FOXK2: variants seen among roughly 807,000 people sequenced by gnomAD.
FOXK2 encodes the protein forkhead box K2.
Under a neutral mutation model 53.3 loss-of-function variants are expected in FOXK2, and 24 were observed. That is an observed-to-expected ratio of 0.45 (90% CI 0.33 to 0.63). The LOEUF (loss-of-function observed/expected upper bound fraction) is 0.63, where lower values mean the gene tolerates loss of function less well. FOXK2 is among the 30% of genes least tolerant of loss of function. FOXK2 has a pLI of 0.03. For synonymous variants in FOXK2, 505 were observed against 407.1 expected, an observed-to-expected ratio of 1.24 and a Z score of -2.89; for missense variants, 952 against 910.5, an observed-to-expected ratio of 1.05 and a Z score of -0.59.
chr17:82,586,704 C>T (rs183580416), intron 7 of FOXK2, among the ~76,000 whole-genome samples: 180 of 152,134 alleles, frequency 1.2e-3, no homozygotes, highest in African/African-American at 4.0e-3. Flanking sequence ...GAGTTGGAGA[C>T]CAGCCTGACC....
At chr17:82,588,707 G>A (rs756891337) in intron 8 of FOXK2, among the ~76,000 whole-genome samples, 20 of 152,016 alleles carry the variant, frequency 1.3e-4, no homozygotes, top group Admixed American at 2.6e-4. Flanking sequence ...AAGAGCCTCC[G>A]GTGCAGGTCA....
chr17:82,571,272 A>G (rs1010478670), intron 3 of FOXK2, among the ~76,000 whole-genome samples: 4 of 151,914 alleles, frequency 2.6e-5, no homozygotes, highest in African/African-American at 7.3e-5. Flanking sequence ...TGTTTCCTCC[A>G]TGTTTTCGAA....
intron 4 of FOXK2, chr17:82,576,790 T>A: frequency 1.7e-6 from 1 of 602,134 alleles, no homozygotes; most frequent in South Asian, 2.0e-5. Context: ...GGTGCTGTAA[T>A]GTGGTGGTGA....
intron 2 of FOXK2, among the ~76,000 whole-genome samples, chr17:82,567,369 T>C (rs1446719340): frequency 6.6e-6 from 1 of 152,222 alleles, no homozygotes; most frequent in Non-Finnish European, 1.5e-5. Context: ...ACGTGCCCTT[T>C]AATCGGCACA....
chr17:82,570,581 C>T (rs901246892), intron 3 of FOXK2, among the ~76,000 whole-genome samples: 1 of 152,232 alleles, frequency 6.6e-6, no homozygotes, highest in Non-Finnish European at 1.5e-5. Flanking sequence ...GTGGGCGCCT[C>T]TGATATCCTT....
At chr17:82,564,197 C>T in intron 2 of FOXK2, among the ~76,000 whole-genome samples, 1 of 150,322 alleles carries the variant, frequency 6.7e-6, no homozygotes, top group Non-Finnish European at 1.5e-5. Context: ...AAGTGATTCT[C>T]CTGCCTCAGC....
intron 4 of FOXK2, among the ~76,000 whole-genome samples, chr17:82,582,271 A>G (rs1307079547): frequency 6.6e-6 from 1 of 152,164 alleles, no homozygotes; most frequent in Admixed American, 6.5e-5. Flanking sequence ...GGAGTCAGAA[A>G]TGGCCTCTGT....
intron 4 of FOXK2, 126 bp downstream of exon 4, chr17:82,571,996 G>C (rs1462453048): frequency 1.1e-6 from 1 of 893,502 alleles, no homozygotes; most frequent in East Asian, 3.1e-5. Context: ...CTCCCGTGCT[G>C]AGAGGAAGAG....
intron 1 of FOXK2, 129 bp downstream of exon 1, chr17:82,520,436 C>T (rs1242014755): frequency 8.9e-6 from 7 of 783,406 alleles, no homozygotes; most frequent in Admixed American, 9.0e-5. Flanking sequence ...CCGGGACCAC[C>T]AGCGGGACCC....
intron 1 of FOXK2, among the ~76,000 whole-genome samples, chr17:82,536,985 T>TA (rs531558228): frequency 1.3e-5 from 2 of 152,194 alleles, no homozygotes; most frequent in Non-Finnish European, 2.9e-5. Context: ...ACACACACAA[T>TA]ACATTTTGAA....
chr17:82,549,292 A>G (rs890190748), intron 1 of FOXK2, among the ~76,000 whole-genome samples: 2 of 152,166 alleles, frequency 1.3e-5, no homozygotes, highest in Non-Finnish European at 2.9e-5. Flanking sequence ...CTGTCCAGCA[A>G]CTTCCTTATC....
intron 1 of FOXK2, among the ~76,000 whole-genome samples, chr17:82,558,135 C>T (rs919622486): frequency 6.6e-6 from 1 of 152,068 alleles, no homozygotes; most frequent in Non-Finnish European, 1.5e-5. Flanking sequence ...GAGTTTGTGA[C>T]CAGCCTGGGT....
At chr17:82,564,003 C>T (rs1479733466) in intron 2 of FOXK2, among the ~76,000 whole-genome samples, 3 of 151,908 alleles carry the variant, frequency 2.0e-5, no homozygotes, top group African/African-American at 7.3e-5. Context: ...CCGCCCACCT[C>T]AGCCTCTCCA....
intron 4 of FOXK2, 48 bp from the exon 5 acceptor site, chr17:82,582,693 C>T (rs777760153): frequency 1.4e-6 from 2 of 1,451,618 alleles, no homozygotes; most frequent in South Asian, 2.7e-5. Flanking sequence ...ATTTTTATTT[C>T]TCAGCAAATA....
intron 8 of FOXK2, chr17:82,596,047 C>A: frequency 1.8e-6 from 2 of 1,119,278 alleles, no homozygotes; most frequent in South Asian, 4.0e-5. Flanking sequence ...TCTGGCCTAC[C>A]GCAGTGGCCC....
intron 1 of FOXK2, among the ~76,000 whole-genome samples, chr17:82,551,997 C>T (rs147202191): frequency 6.6e-6 from 1 of 152,280 alleles, no homozygotes; most frequent in African/African-American, 2.4e-5. Context: ...TGGTGGCAGC[C>T]TTGGGCCCTG....
At chr17:82,527,642 T>C (rs192831362) in intron 1 of FOXK2, among the ~76,000 whole-genome samples, 1 of 152,186 alleles carries the variant, frequency 6.6e-6, no homozygotes, top group Admixed American at 6.5e-5. Flanking sequence ...ACCGAAGATA[T>C]TCATTTGGCA....
intron 4 of FOXK2, among the ~76,000 whole-genome samples, chr17:82,576,054 C>T (rs1310169468): frequency 8.0e-6 from 1 of 125,708 alleles, no homozygotes; most frequent in Non-Finnish European, 1.6e-5. Context: ...AGCGTGTGCT[C>T]GGGTGGCGGC....
chr17:82,521,465 C>T (rs893599931), intron 1 of FOXK2, among the ~76,000 whole-genome samples: 1 of 151,512 alleles, frequency 6.6e-6, no homozygotes, highest in Admixed American at 6.6e-5. Flanking sequence ...AGCCACCGCG[C>T]CCGGCCTACA....
Sources: allele counts gnomAD v4.1 joint callset (sites outside exome capture counted in the v4.1 genomes callset), GRCh38; gene constraint gnomAD v4.1.1; transcripts MANE v1.5; gene names NCBI Gene and HGNC (gene_info 2026-07-23, HGNC 2026-07-21).